Variants in DLC1 observed in about 807,000 individuals in gnomAD.
DLC1 encodes the protein DLC1 Rho GTPase activating protein.
Under a neutral mutation model 140.3 loss-of-function variants are expected in DLC1, and 54 were observed. The observed-to-expected ratio is 0.38, with a 90% CI of 0.31 to 0.48. The LOEUF (loss-of-function observed/expected upper bound fraction) is 0.48. DLC1 is among the 20% of genes least tolerant of loss of function. DLC1 has a pLI of 0.96. For missense variants in DLC1, 2,536 were observed against 1,907.0 expected, an observed-to-expected ratio of 1.33 and a Z score of -6.14; for synonymous variants, 986 against 728.1, an observed-to-expected ratio of 1.35 and a Z score of -5.70.
intron 5 of DLC1, among the ~76,000 whole-genome samples, chr8:13,199,351 T>C (rs1827247288): frequency 6.6e-6 from 1 of 151,928 alleles, no homozygotes; most frequent in South Asian, 2.1e-4. Context: ...ACCTGGCTGA[T>C]TTTTAAATTT....
chr8:13,273,837 C>G (rs1014701879), intron 5 of DLC1, among the ~76,000 whole-genome samples: 2 of 151,810 alleles, frequency 1.3e-5, no homozygotes, highest in Admixed American at 6.6e-5. Flanking sequence ...ATCCCACGAC[C>G]AAACCCTTTG....
intron 5 of DLC1, among the ~76,000 whole-genome samples, chr8:13,187,204 G>A (rs923896256): frequency 3.3e-5 from 5 of 152,044 alleles, no homozygotes; most frequent in Admixed American, 3.3e-4. Flanking sequence ...TATACAGAAT[G>A]TATAATTTAT....
intron 5 of DLC1, among the ~76,000 whole-genome samples, chr8:13,278,841 A>C (rs1831265059): frequency 6.6e-6 from 1 of 152,234 alleles, no homozygotes; most frequent in Non-Finnish European, 1.5e-5. Flanking sequence ...AGTGTTGTAT[A>C]TAGACTAGCA....
intron 4 of DLC1, among the ~76,000 whole-genome samples, chr8:13,380,051 G>T (rs369362446): frequency 4.6e-4 from 70 of 152,198 alleles, no homozygotes; most frequent in Middle Eastern, 3.4e-3. Flanking sequence ...AACCTTTCTG[G>T]CCAGGCACCA....
intron 2 of DLC1, among the ~76,000 whole-genome samples, chr8:13,406,181 G>GTTTTTT (rs77753653): frequency 1.9e-4 from 16 of 84,922 alleles, no homozygotes; most frequent in Non-Finnish European, 3.5e-4. Context: ...TAATTTTTGT[G>GTTTTTT]TTTTTTTTTT....
intron 4 of DLC1, among the ~76,000 whole-genome samples, chr8:13,344,306 C>T (rs1270937145): frequency 2.0e-5 from 3 of 152,092 alleles, no homozygotes; most frequent in African/African-American, 4.8e-5. Flanking sequence ...CCAGCCTGAC[C>T]AACATGGTGA....
chr8:13,356,882 T>C lies in DLC1; in HGVS notation c.1314+36671A>G, dbSNP rs574468729. 6.6e-5 allele frequency among the ~76,000 whole-genome samples: 10 copies of C among 151,932 alleles called. No homozygotes were observed. In the South Asian group the frequency reaches 1.9e-3, roughly 28 times the overall value. On this transcript the variant is annotated intron_variant, in intron 4 of 17. Transcript: ENST00000276297. ...TTTATTATTTATTTATTTATTATTATTTTTTTACTTCACCCTTAAGATGTT... is the reference window on the plus strand; with the variant it reads ...TTTATTATTTATTTATTTATTATTACTTTTTTACTTCACCCTTAAGATGTT...
At chr8:13,324,159 A>C (rs1405071547) in intron 4 of DLC1, among the ~76,000 whole-genome samples, 1 of 152,148 alleles carries the variant, frequency 6.6e-6, no homozygotes, top group Non-Finnish European at 1.5e-5. Context: ...GTTGCTGCAG[A>C]TTTTTTTCAA....
chr8:13,449,900 G>A (rs929116848), intron 2 of DLC1, among the ~76,000 whole-genome samples: 1 of 151,854 alleles, frequency 6.6e-6, no homozygotes, highest in East Asian at 1.9e-4. Context: ...TCTGTATCAA[G>A]AACACAGCAG....
intron 1 of DLC1, among the ~76,000 whole-genome samples, chr8:13,573,945 T>C (rs1236802836): frequency 2.6e-5 from 4 of 152,174 alleles, no homozygotes; most frequent in African/African-American, 7.2e-5. Flanking sequence ...CCCTCCATCA[T>C]TCATCATATC....
At chr8:13,433,099 A>G (rs888203226) in intron 2 of DLC1, among the ~76,000 whole-genome samples, 1 of 152,120 alleles carries the variant, frequency 6.6e-6, no homozygotes, top group African/African-American at 2.4e-5. Context: ...CTGTAGGATG[A>G]GATGAGATGC....
At chr8:13,301,861 T>C (rs1832208426) in intron 5 of DLC1, among the ~76,000 whole-genome samples, 1 of 152,148 alleles carries the variant, frequency 6.6e-6, no homozygotes, top group Non-Finnish European at 1.5e-5. Flanking sequence ...GTGCACTCCT[T>C]ATGATGATCT....
At position 13,396,468 on chromosome 8, in the gene DLC1, G is replaced by A. The variant is rs183300531; in HGVS notation, c.1174-2775C>T. On this transcript the variant is annotated intron_variant, in intron 3 of 17. Transcript: ENST00000276297. ...GAAATAATAACTTTTAAAAACTACC[G>A]TTTATTGCATTTTTACCTTTCACAG... 1.3e-4 allele frequency among the ~76,000 whole-genome samples: 20 copies of A among 152,162 alleles called. No individual in the cohort carries two copies. The East Asian group carries it at 3.1e-3, about 24-fold the overall frequency.
At chr8:13,161,105 G>A (rs930695312) in intron 5 of DLC1, among the ~76,000 whole-genome samples, 2 of 152,194 alleles carry the variant, frequency 1.3e-5, no homozygotes, top group Non-Finnish European at 2.9e-5. Flanking sequence ...AGGTGGGAGT[G>A]GGAGAGGTAG....
At chr8:13,550,708 G>T (rs1057139764) in intron 1 of DLC1, among the ~76,000 whole-genome samples, 2 of 152,052 alleles carry the variant, frequency 1.3e-5, no homozygotes, top group Admixed American at 6.6e-5. Context: ...AAACACTGCT[G>T]AATGGACGAA....
chr8:13,159,565 T>A (rs1169439985), intron 5 of DLC1, among the ~76,000 whole-genome samples: 1 of 152,048 alleles, frequency 6.6e-6, no homozygotes, highest in Non-Finnish European at 1.5e-5. Context: ...AACCTCTAGG[T>A]GTATCACCTC....
chr8:13,205,480 A>G (rs1827615821), intron 5 of DLC1, among the ~76,000 whole-genome samples: 1 of 152,122 alleles, frequency 6.6e-6, no homozygotes. Context: ...TCTCTCAATC[A>G]TTCTTTTGCT....
At chr8:13,348,483 T>C (rs1156398983) in intron 4 of DLC1, among the ~76,000 whole-genome samples, 1 of 152,124 alleles carries the variant, frequency 6.6e-6, no homozygotes, top group Non-Finnish European at 1.5e-5. Flanking sequence ...GTGTTGGAAG[T>C]AGATTTAGGG....
At position 13,318,315 on chromosome 8, in the gene DLC1, T is replaced by A. The variant is rs1586127705; in HGVS notation, c.1315-13013A>T. ...TCCCAAAGTTCTGGGATTACTGGCA[T>A]GAGCCATTGTGCTTGGCCAACTAAT... On this transcript the variant is annotated intron_variant, in intron 4 of 17. Transcript: ENST00000276297. Among the ~76,000 whole-genome samples, 3 of 152,232 alleles carry A rather than the reference T, an allele frequency of 2.0e-5. No homozygotes were observed. The East Asian group carries it at 5.8e-4, about 29-fold the overall frequency.
Sources: allele counts gnomAD v4.1 joint callset (sites outside exome capture counted in the v4.1 genomes callset), GRCh38; gene constraint gnomAD v4.1.1; transcripts MANE v1.5; gene names NCBI Gene and HGNC (gene_info 2026-07-23, HGNC 2026-07-21).